CREB5: variants seen among roughly 807,000 people sequenced by gnomAD.
The protein encoded by CREB5 is cAMP responsive element binding protein 5, also known as cyclic AMP-responsive element-binding protein 5.
CREB5 carries 19 observed loss-of-function variants against 57.1 expected under a neutral mutation model. That is an observed-to-expected ratio of 0.33 (90% CI 0.23 to 0.49). The LOEUF (loss-of-function observed/expected upper bound fraction) is 0.49, where lower values mean the gene tolerates loss of function less well. Ranked by LOEUF, CREB5 falls within the 20% of genes least tolerant of loss-of-function variation. The pLI, the probability that CREB5 is intolerant of heterozygous loss-of-function variation, is 0.99. For synonymous variants in CREB5, 238 were observed against 238.3 expected, an observed-to-expected ratio of 1.00 and a Z score of 0.01; for missense variants, 579 against 671.6, an observed-to-expected ratio of 0.86 and a Z score of 1.52.
At chr7:28,686,203 T>C (rs1317787491) in intron 5 of CREB5, 2 of 1,606,188 alleles carry the variant, frequency 1.2e-6, no homozygotes, top group African/African-American at 1.3e-5. Flanking sequence ...ATGAGGTTTG[T>C]TTTTAATTTT....
chr7:28,342,462 G>C (rs1205029203), intron 1 of CREB5, among the ~76,000 whole-genome samples: 1 of 152,122 alleles, frequency 6.6e-6, no homozygotes, highest in East Asian at 1.9e-4. Flanking sequence ...CAAGAAAAAA[G>C]GAGATTTGTA....
chr7:28,306,204 G>A (rs921954890), intron 1 of CREB5, among the ~76,000 whole-genome samples: 3 of 152,176 alleles, frequency 2.0e-5, no homozygotes, highest in Non-Finnish European at 2.9e-5. Context: ...CCCACAGAGT[G>A]TGAAACTAAT....
At chr7:28,721,646 G>A (rs1224017985) in intron 6 of CREB5, among the ~76,000 whole-genome samples, 1 of 152,144 alleles carries the variant, frequency 6.6e-6, no homozygotes, top group Admixed American at 6.5e-5. Flanking sequence ...ACAAAATGAT[G>A]TATTATTTCA....
intron 5 of CREB5, among the ~76,000 whole-genome samples, chr7:28,711,603 G>A (rs1022593866): frequency 1.3e-5 from 2 of 152,070 alleles, no homozygotes; most frequent in African/African-American, 4.8e-5. Flanking sequence ...ATTTGTCATT[G>A]TTTTTAGGAA....
chr7:28,420,057 T>A (rs1788180709), intron 1 of CREB5, among the ~76,000 whole-genome samples: 1 of 152,000 alleles, frequency 6.6e-6, no homozygotes, highest in Admixed American at 6.5e-5. Flanking sequence ...AACAAAACAG[T>A]AATGTCTGCT....
intron 5 of CREB5, among the ~76,000 whole-genome samples, chr7:28,595,775 C>T (rs180812016): frequency 2.0e-5 from 3 of 152,264 alleles, no homozygotes; most frequent in Admixed American, 2.0e-4. Flanking sequence ...ATTGAGAGAT[C>T]ATATTTCAGA....
chr7:28,382,070 G>A (rs747960311), intron 1 of CREB5, among the ~76,000 whole-genome samples: 5 of 151,966 alleles, frequency 3.3e-5, no homozygotes, highest in Admixed American at 2.0e-4. Context: ...CGGAAGGCCC[G>A]AGAGCCCAGG....
At chr7:28,735,799 C>T (rs1355364223) in intron 7 of CREB5, among the ~76,000 whole-genome samples, 1 of 151,320 alleles carries the variant, frequency 6.6e-6, no homozygotes, top group Non-Finnish European at 1.5e-5. Flanking sequence ...TTACTGTGTG[C>T]TTCCTCTCTC....
At chr7:28,305,188 C>T (rs1213041691) in intron 1 of CREB5, among the ~76,000 whole-genome samples, 2 of 152,184 alleles carry the variant, frequency 1.3e-5, no homozygotes, top group African/African-American at 4.8e-5. Flanking sequence ...CTCCCCTGTT[C>T]TTCTGGGGCA....
intron 3 of CREB5, among the ~76,000 whole-genome samples, chr7:28,499,956 G>GA (rs1792209288): frequency 6.6e-6 from 1 of 152,180 alleles, no homozygotes; most frequent in Non-Finnish European, 1.5e-5. Flanking sequence ...TAGGCAACTG[G>GA]TCTGTGCTTG....
intron 1 of CREB5, among the ~76,000 whole-genome samples, chr7:28,431,198 T>C (rs1788697467): frequency 6.6e-6 from 1 of 152,216 alleles, no homozygotes; most frequent in African/African-American, 2.4e-5. Context: ...TTCTATTCAT[T>C]AGAAGCACAT....
At chr7:28,518,313 C>A (rs1049581525) in intron 4 of CREB5, among the ~76,000 whole-genome samples, 3 of 152,128 alleles carry the variant, frequency 2.0e-5, no homozygotes, top group African/African-American at 7.2e-5. Flanking sequence ...AGTCACTTCC[C>A]CAAAGAAGAA....
intron 1 of CREB5, among the ~76,000 whole-genome samples, chr7:28,396,799 G>A (rs1238046731): frequency 6.6e-6 from 1 of 152,082 alleles, no homozygotes; most frequent in Non-Finnish European, 1.5e-5. Context: ...CAAAAATAAA[G>A]CCATAAGTTC....
At chr7:28,352,184 G>A (rs1351660094) in intron 1 of CREB5, among the ~76,000 whole-genome samples, 1 of 152,164 alleles carries the variant, frequency 6.6e-6, no homozygotes, top group Non-Finnish European at 1.5e-5. Flanking sequence ...ATGGAAATTA[G>A]TGAGTTTTAC....
chr7:28,398,931 G>T (rs1787391522), intron 1 of CREB5, among the ~76,000 whole-genome samples: 1 of 152,076 alleles, frequency 6.6e-6, no homozygotes, highest in Non-Finnish European at 1.5e-5. Context: ...GCCCAGGCTG[G>T]TCTCAAACTC....
intron 1 of CREB5, among the ~76,000 whole-genome samples, chr7:28,455,595 A>G (rs1031922064): frequency 1.3e-5 from 2 of 152,210 alleles, no homozygotes; most frequent in African/African-American, 4.8e-5. Flanking sequence ...GGCAGAGGAT[A>G]CAAATCAAAG....
chr7:28,681,652 A>T (rs1300304000), intron 5 of CREB5, among the ~76,000 whole-genome samples: 1 of 152,212 alleles, frequency 6.6e-6, no homozygotes, highest in African/African-American at 2.4e-5. Flanking sequence ...ACAAGCATGA[A>T]GAGATCCTCT....
intron 1 of CREB5, among the ~76,000 whole-genome samples, chr7:28,424,937 TAA>T (rs1788437708): frequency 1.3e-5 from 2 of 152,302 alleles, no homozygotes; most frequent in Admixed American, 6.5e-5. Context: ...CACATCATAA[TAA>T]AAAGACAACT....
upstream of CREB5, among the ~76,000 whole-genome samples, chr7:28,411,519 G>C (rs1787800613): frequency 7.6e-6 from 1 of 130,944 alleles, no homozygotes; most frequent in Non-Finnish European, 1.6e-5. Flanking sequence ...TGTATGACTT[G>C]TTGCAAGGGA....
Sources: allele counts gnomAD v4.1 joint callset (sites outside exome capture counted in the v4.1 genomes callset), GRCh38; gene constraint gnomAD v4.1.1; transcripts MANE v1.5; gene names NCBI Gene and HGNC (gene_info 2026-07-23, HGNC 2026-07-21).